Variants in ALDH7A1 observed in about 807,000 individuals in gnomAD.
The protein encoded by ALDH7A1 is alpha-aminoadipic semialdehyde dehydrogenase.
Under a neutral mutation model 79.9 loss-of-function variants are expected in ALDH7A1, and 63 were observed. The ratio of observed to expected loss-of-function variants is 0.79; its 90% CI spans 0.64 to 0.97. The LOEUF (loss-of-function observed/expected upper bound fraction) is 0.97, where lower values mean the gene tolerates loss of function less well. ALDH7A1 is among the 50% of genes least tolerant of loss of function. ALDH7A1 has a pLI of 0.00. For synonymous variants in ALDH7A1, 240 were observed against 231.2 expected (o/e 1.04, Z -0.34); for missense variants, 627 against 665.2 (o/e 0.94, Z 0.63).
intron 12 of ALDH7A1, 182 bp from the exon 13 acceptor site, chr5:126,554,575 A>C: frequency 1.6e-6 from 1 of 643,954 alleles, no homozygotes; most frequent in Non-Finnish European, 2.8e-6. Flanking sequence ...TGGAGGACAT[A>C]CGTGATCTCC....
At chr5:126,551,772 T>G (rs1470980214) in intron 14 of ALDH7A1, among the ~76,000 whole-genome samples, 1 of 152,166 alleles carries the variant, frequency 6.6e-6, no homozygotes, top group Admixed American at 6.5e-5. Context: ...ACACAGGAAA[T>G]GAGGACCACA....
chr5:126,551,980 T>C (rs764018297), intron 14 of ALDH7A1, 41 bp downstream of exon 14: 2 of 1,473,192 alleles, frequency 1.4e-6, no homozygotes, highest in Non-Finnish European at 9.5e-7. Context: ...CCTCTTATCA[T>C]TTATTTCAAC....
Position 126,543,487 on chromosome 5 carries a change from C to T in ALDH7A1, c.*1478G>A, listed in dbSNP as rs1241909564. The T allele has an allele frequency of 1.3e-5, 2 of 152,184 alleles. No individual in the cohort carries two copies. Among genetic ancestry groups the T allele is most frequent in the Non-Finnish European group, 2.9e-5 (2 of 68,040 alleles). The allele number at this position is 152,184 out of a possible 1,614,324, so 9.4% of individuals were successfully genotyped here. On this transcript the variant is annotated 3_prime_UTR_variant, in exon 18 of 18. Transcript: ENST00000409134. Reference sequence around the variant, plus strand: ...CAACAGCATGTCTAGTTAAATACTGCTCGCAGCTGGCCATGGGACATATTA... The same window carrying T: ...CAACAGCATGTCTAGTTAAATACTGTTCGCAGCTGGCCATGGGACATATTA...
intron 6 of ALDH7A1, 92 bp from the exon 7 acceptor site, chr5:126,575,556 AG>A: frequency 8.5e-7 from 1 of 1,179,314 alleles, no homozygotes; most frequent in Non-Finnish European, 1.2e-6. Flanking sequence ...CAAAAGTGTG[AG>A]AAAAAGCTCT....
At chr5:126,568,527 A>G (rs1750670853) in intron 8 of ALDH7A1, 171 bp from the exon 9 acceptor site, 2 of 653,220 alleles carry the variant, frequency 3.1e-6, no homozygotes, top group Non-Finnish European at 5.6e-6. Flanking sequence ...AAAGTTTTTC[A>G]CAGGTAGAAC....
intron 3 of ALDH7A1, chr5:126,591,929 T>A: frequency 7.0e-6 from 1 of 142,484 alleles, no homozygotes; most frequent in Non-Finnish European, 1.5e-5. Context: ...CCACTGCTCT[T>A]TTTTTTTTTT....
At chr5:126,550,365 T>C in intron 14 of ALDH7A1, 72 bp from the exon 15 acceptor site, 1 of 1,128,962 alleles carries the variant, frequency 8.9e-7, no homozygotes, top group Non-Finnish European at 1.3e-6. Context: ...ATTAAACTCA[T>C]TTCCTGAAGT....
intron 9 of ALDH7A1, chr5:126,564,482 C>A (rs573925610): frequency 8.4e-7 from 1 of 1,192,060 alleles, no homozygotes; most frequent in South Asian, 4.3e-5. Flanking sequence ...TTTTGATCAT[C>A]GATTTCCTTA....
At chr5:126,552,841 G>A (rs1750051440) in intron 13 of ALDH7A1, among the ~76,000 whole-genome samples, 1 of 149,200 alleles carries the variant, frequency 6.7e-6, no homozygotes, top group African/African-American at 2.5e-5. Flanking sequence ...CCTCGAACTT[G>A]TGGGCTCAAG....
chr5:126,595,011 C>T lies in ALDH7A1; in HGVS notation c.188G>A (p.Gly63Glu). The change falls in exon 1 of 18, where the codon GGA becomes GAA. Residue 63 changes from glycine (G) to glutamate (E), a missense_variant. By Grantham distance (98) the Gly-to-Glu change is moderately conservative (BLOSUM62 -2). Transcript: ENST00000409134. ...GVYNGSWGGR[G>E]EVITTYCPAN... ...ATTTCTTGAGCGCCCGCGTACCTCT[C>T]CCCGGCCTCCCCAGCTTCCATTATA... 1 of 1,599,934 alleles carries T rather than the reference C, an allele frequency of 6.3e-7. No individual in the cohort carries two copies. Among genetic ancestry groups the T allele is most frequent in the Non-Finnish European group, 8.5e-7 (1 of 1,174,250 alleles).
At chr5:126,577,243 A>G (rs1008542802) in intron 5 of ALDH7A1, 32 bp from the exon 6 acceptor site, 2 of 1,612,836 alleles carry the variant, frequency 1.2e-6, no homozygotes, top group Middle Eastern at 1.6e-4. Flanking sequence ...AACATGCAGA[A>G]GCATGTTAAT....
chr5:126,595,068 T>A lies in ALDH7A1; in HGVS notation c.131A>T (p.Glu44Val). 6.2e-7 allele frequency: 1 copy of A among 1,609,024 alleles called. No homozygotes were observed. The highest frequency in any genetic ancestry group is 1.1e-5 in the South Asian group (1 of 89,792). Residue 44 changes from glutamate to valine, a missense_variant, in exon 1 of 18, where the codon GAG becomes GTG. Glu to Val is a moderately radical substitution (Grantham distance 121). Transcript: ENST00000409134. ...CTCGTTTTCCTCGCGGAGCCCCAGC[T>A]CTTTCAGCCACGCATACTGGGGCTG... ...INQPQYAWLK[E>V]LGLREENEGV...
Position 126,560,972 on chromosome 5 carries a change from T to G in ALDH7A1, c.913+111A>C. The G allele has an allele frequency of 2.5e-6, 3 of 1,191,892 alleles. No individual in the cohort carries two copies. The South Asian group carries it at 3.8e-5, about 15-fold the overall frequency. The allele number at this position is 1,191,892 out of a possible 1,614,324, so 73.8% of individuals were successfully genotyped here. ...AATTCCTAAACACAGGAACTAGGTCTCAGGCATATGCAACATGGACGAAAT... is the reference window on the plus strand; with the variant it reads ...AATTCCTAAACACAGGAACTAGGTCGCAGGCATATGCAACATGGACGAAAT... On this transcript the variant is annotated intron_variant, in intron 10 of 17. Coordinates refer to ENST00000409134, the MANE Select transcript of ALDH7A1 (RefSeq NM_001182.5).
At chr5:126,573,770 G>C (rs2085988720) in intron 7 of ALDH7A1, among the ~76,000 whole-genome samples, 1 of 151,008 alleles carries the variant, frequency 6.6e-6, no homozygotes, top group South Asian at 2.1e-4. Context: ...GGGAGGTTGA[G>C]GCAGGACAAT....
At chr5:126,565,902 G>A (rs1471546462) in intron 9 of ALDH7A1, among the ~76,000 whole-genome samples, 1 of 152,144 alleles carries the variant, frequency 6.6e-6, no homozygotes, top group Non-Finnish European at 1.5e-5. Context: ...TAAATACAAG[G>A]GTTTATCTCT....
Position 126,563,435 on chromosome 5 carries a change from A to G in ALDH7A1, c.872-2311T>C, listed in dbSNP as rs190759783. Among the ~76,000 whole-genome samples the G allele has an allele frequency of 1.4e-3, 207 of 152,212 alleles. 1 individual carries two copies. Among genetic ancestry groups the G allele is most frequent in the Middle Eastern group, 3.4e-3 (1 of 294 alleles). Reference sequence around the variant, plus strand: ...TTGTTGATTATTTACTTAGGTTAGGACTCTTGACAGACATTGCCAACCTAT... The same window carrying G: ...TTGTTGATTATTTACTTAGGTTAGGGCTCTTGACAGACATTGCCAACCTAT... On this transcript the variant is annotated intron_variant, in intron 9 of 17. Coordinates refer to ENST00000409134, the MANE Select transcript of ALDH7A1 (RefSeq NM_001182.5).
intron 16 of ALDH7A1, among the ~76,000 whole-genome samples, chr5:126,547,241 T>TAAC (rs756919464): frequency 5.5e-4 from 84 of 152,338 alleles, no homozygotes; most frequent in Non-Finnish European, 1.0e-3. Context: ...TTCTACAAGA[T>TAAC]AACACCTCAT....
intron 9 of ALDH7A1, among the ~76,000 whole-genome samples, chr5:126,563,952 T>C (rs1750487483): frequency 6.6e-6 from 1 of 150,740 alleles, no homozygotes; most frequent in Non-Finnish European, 1.5e-5. Flanking sequence ...AACACCTGGC[T>C]TGTTTTGTTT....
At chr5:126,580,893 C>T (rs564499143) in intron 5 of ALDH7A1, among the ~76,000 whole-genome samples, 240 of 151,522 alleles carry the variant, frequency 1.6e-3, no homozygotes, top group African/African-American at 5.5e-3. Flanking sequence ...GGCACGATCT[C>T]GGCTCACCGC....
Sources: allele counts gnomAD v4.1 joint callset (sites outside exome capture counted in the v4.1 genomes callset), GRCh38; gene constraint gnomAD v4.1.1; transcripts MANE v1.5; gene names NCBI Gene and HGNC (gene_info 2026-07-23, HGNC 2026-07-21).